RGS7: variants seen among roughly 807,000 people sequenced by gnomAD.
RGS7 encodes the protein regulator of G protein signaling 7, also known as regulator of G-protein signaling 7.
In RGS7, 27 loss-of-function variants were observed where a neutral mutation model predicts 81.1. The ratio of observed to expected loss-of-function variants is 0.33; its 90% CI spans 0.25 to 0.46. The LOEUF (loss-of-function observed/expected upper bound fraction) is 0.46, where lower values mean the gene tolerates loss of function less well. Ranked by LOEUF, RGS7 falls within the 20% of genes least tolerant of loss-of-function variation. The pLI is 1.00. For synonymous variants in RGS7, 208 were observed against 207.7 expected (o/e 1.00, Z -0.01); for missense variants, 396 against 607.4 (o/e 0.65, Z 3.66).
At position 240,824,233 on chromosome 1, in the gene RGS7, T is replaced by C. The variant is rs374706917; in HGVS notation, c.684+2865A>G. Among the ~76,000 whole-genome samples, 41 of 152,338 alleles carry C rather than the reference T, an allele frequency of 2.7e-4. 2 individuals carry two copies. The South Asian group carries it at 8.1e-3, about 30-fold the overall frequency. On this transcript the variant is annotated intron_variant, in intron 10 of 18. Transcript: ENST00000440928. ...ATATTCTTCAGGCACCTATGCTAGA[T>C]TGTTACTTTAGGGATTTACTGGGTC...
intron 2 of RGS7, 114 bp downstream of exon 2, chr1:241,355,585 T>C (rs1246833037): frequency 1.1e-6 from 1 of 892,780 alleles, no homozygotes; most frequent in African/African-American, 1.6e-5. Context: ...TAATCACTGA[T>C]GATCTGGGAA....
chr1:240,930,790 A>G (rs1292481377), intron 5 of RGS7, 22 bp from the exon 6 acceptor site: 1 of 1,612,938 alleles, frequency 6.2e-7, no homozygotes, highest in Non-Finnish European at 8.5e-7. Context: ...AAAGAAGTGG[A>G]ACCCAGATTA....
intron 2 of RGS7, among the ~76,000 whole-genome samples, chr1:241,106,918 ATT>A: frequency 6.6e-6 from 1 of 150,478 alleles, no homozygotes; most frequent in Admixed American, 6.6e-5. Context: ...TAAATAAATC[ATT>A]TCTCTCATTC....
At chr1:240,791,751 T>C (rs1686049170) in intron 18 of RGS7, among the ~76,000 whole-genome samples, 1 of 152,208 alleles carries the variant, frequency 6.6e-6, no homozygotes, top group African/African-American at 2.4e-5. Context: ...GACTCCACTT[T>C]TGGTGGAAAT....
intron 2 of RGS7, among the ~76,000 whole-genome samples, chr1:241,176,009 T>C (rs775822358): frequency 6.6e-6 from 1 of 152,244 alleles, no homozygotes; most frequent in Non-Finnish European, 1.5e-5. Flanking sequence ...AGGCAAGAAC[T>C]ATCACTATAG....
At position 241,271,100 on chromosome 1, in the gene RGS7, A is replaced by G. The variant is rs1256694531; in HGVS notation, c.78+84599T>C. On this transcript the variant is annotated intron_variant, in intron 2 of 18. Transcript: ENST00000440928. This position sits in a 1 kb window ranked among gnomAD's most constrained non-coding sequence, Gnocchi z 4.6. ...TATCGCTGCAGTGGCGAAAGCATTC[A>G]TCATTGCCGACCTGTGTGGAATGTG... is the stretch of plus-strand genomic sequence containing the variant. Among the ~76,000 whole-genome samples the G allele has an allele frequency of 6.6e-6, 1 of 152,180 alleles. No individual in the cohort carries two copies. Among genetic ancestry groups the G allele is most frequent in the Non-Finnish European group, 1.5e-5 (1 of 68,020 alleles).
At chr1:240,911,868 G>A (rs936953047) in intron 6 of RGS7, among the ~76,000 whole-genome samples, 1 of 151,850 alleles carries the variant, frequency 6.6e-6, no homozygotes, top group Non-Finnish European at 1.5e-5. Flanking sequence ...CTGGCCGGGC[G>A]CAGTGGCTCA....
intron 3 of RGS7, among the ~76,000 whole-genome samples, chr1:241,034,324 G>T (rs2148740842): frequency 6.6e-6 from 1 of 152,306 alleles, no homozygotes; most frequent in Non-Finnish European, 1.5e-5. Context: ...TCAAGCCATT[G>T]TATGAATTTG....
rs185663442 is a variant in RGS7, at chr1:241,045,196, A to G, written c.175+53470T>C. Among the ~76,000 whole-genome samples the G allele has an allele frequency of 1.6e-3, 237 of 152,282 alleles. 1 individual carries two copies. The highest frequency in any genetic ancestry group is 5.4e-3 in the African/African-American group (223 of 41,566). ...CCTCCATGTTGGAAAACACTTGTCT[A>G]AAATTTTCTTCTAATTCCTTGAGTG... is the stretch of plus-strand genomic sequence containing the variant. On this transcript the variant is annotated intron_variant, in intron 3 of 18. Coordinates refer to ENST00000440928, the MANE Select transcript of RGS7 (RefSeq NM_001364886.1).
intron 2 of RGS7, among the ~76,000 whole-genome samples, chr1:241,104,374 T>TA (rs1572707434): frequency 6.6e-6 from 1 of 152,170 alleles, no homozygotes; most frequent in African/African-American, 2.4e-5. Context: ...TGATTTCCTG[T>TA]AAAAAACTGA....
intron 2 of RGS7, among the ~76,000 whole-genome samples, chr1:241,104,463 C>T (rs2064976796): frequency 1.3e-5 from 2 of 149,978 alleles, no homozygotes; most frequent in South Asian, 2.1e-4. Flanking sequence ...TAAGCAAAGG[C>T]TATGTAAGCT....
intron 3 of RGS7, among the ~76,000 whole-genome samples, chr1:240,995,380 C>T (rs1187899876): frequency 6.6e-6 from 1 of 152,178 alleles, no homozygotes; most frequent in African/African-American, 2.4e-5. Flanking sequence ...CTCTCCTCTT[C>T]TGTTTTCTGG....
rs986712594 is a variant in RGS7 at position 241,257,568 on chromosome 1, C to A, written c.78+98131G>T. ...AACACTGTGCCCAAAATGTTTTTAT[C>A]TAATTTAAGGGGAAACAATACATTT... is the stretch of plus-strand genomic sequence containing the variant. On this transcript the variant is annotated intron_variant, in intron 2 of 18. Transcript: ENST00000440928. Among the ~76,000 whole-genome samples, 2 of 152,124 alleles carry A rather than the reference C, an allele frequency of 1.3e-5. 1 individual carries two copies. The highest frequency in any genetic ancestry group is 3.9e-4 in the East Asian group (2 of 5,184).
chr1:240,793,611 A>ATATATATATAT, intron 18 of RGS7, among the ~76,000 whole-genome samples: 4 of 78,812 alleles, frequency 5.1e-5, no homozygotes, highest in African/African-American at 3.9e-4. Context: ...ATATATATAT[A>ATATATATATAT]TTTTTTTTTT....
chr1:241,181,520 G>A (rs999794545), intron 2 of RGS7, among the ~76,000 whole-genome samples: 3 of 152,178 alleles, frequency 2.0e-5, no homozygotes, highest in African/African-American at 7.2e-5. Flanking sequence ...CTCTGATCCT[G>A]TTTCTTAGCA....
At chr1:240,928,614 T>G (rs1674882809) in intron 6 of RGS7, among the ~76,000 whole-genome samples, 1 of 149,530 alleles carries the variant, frequency 6.7e-6, no homozygotes, top group Non-Finnish European at 1.5e-5. Context: ...ATTTTTTTTT[T>G]TTTTTTTTTT....
chr1:241,296,031 C>T (rs959505909), intron 2 of RGS7, among the ~76,000 whole-genome samples: 2 of 152,106 alleles, frequency 1.3e-5, no homozygotes, highest in African/African-American at 4.8e-5. Flanking sequence ...TTAAAGTGTC[C>T]ATGGAGTATC....
At chr1:241,005,271 T>C (rs2058625459) in intron 3 of RGS7, among the ~76,000 whole-genome samples, 1 of 152,234 alleles carries the variant, frequency 6.6e-6, no homozygotes, top group Admixed American at 6.5e-5. Context: ...GGATAATTTA[T>C]ACATACAGTT....
chr1:240,813,719 A>T lies in RGS7; in HGVS notation c.855T>A (p.Ser285Arg). The T allele has an allele frequency of 6.2e-7, 1 of 1,604,740 alleles. No individual in the cohort carries two copies. The highest frequency in any genetic ancestry group is 8.5e-7 in the Non-Finnish European group (1 of 1,171,392). The change falls in exon 13 of 19, where the codon AGT (serine) becomes AGA (arginine). Residue 285 changes from serine to arginine, a missense_variant. Transcript: ENST00000440928. ...KMSKVADSLL[S>R]YTEQYLEYDP... ...CGTATTCTAAATACTGTTCCGTGTA[A>T]CTTAGTAGACTAAGGAGAAAAAACA...
Sources: allele counts gnomAD v4.1 joint callset (sites outside exome capture counted in the v4.1 genomes callset), GRCh38; gene constraint gnomAD v4.1.1; non-coding constraint Gnocchi (gnomAD v3.1); transcripts MANE v1.5; gene names NCBI Gene and HGNC (gene_info 2026-07-23, HGNC 2026-07-21).